The following IL1RAPL1 variants were observed in gnomAD, a reference collection of about 807,000 sequenced individuals.
The protein encoded by IL1RAPL1 is interleukin-1 receptor accessory protein-like 1.
Under a neutral mutation model 48.4 loss-of-function variants are expected in IL1RAPL1, and 3 were observed. The ratio of observed to expected loss-of-function variants is 0.06; its 90% CI spans 0.03 to 0.16. The LOEUF is 0.16. Among genes scored for constraint, IL1RAPL1 ranks in the 10% least tolerant of loss-of-function variants. The pLI is 1.00. For synonymous variants in IL1RAPL1, 185 were observed against 187.7 expected, an observed-to-expected ratio of 0.99 and a Z score of 0.12; for missense variants, 349 against 530.6, an observed-to-expected ratio of 0.66 and a Z score of 3.36.
At chrX:29,413,754 G>A (rs910609170) in intron 5 of IL1RAPL1, among the ~76,000 whole-genome samples, 7 of 110,746 alleles carry the variant, frequency 6.3e-5, no homozygotes, top group African/African-American at 2.3e-4. Flanking sequence ...TGACCATTAA[G>A]TAATGGTTTA....
At chrX:28,683,411 G>T (rs1451312648) in intron 1 of IL1RAPL1, among the ~76,000 whole-genome samples, 4 of 111,302 alleles carry the variant, frequency 3.6e-5, no homozygotes, top group Non-Finnish European at 7.5e-5. Context: ...AAGAAAGAAA[G>T]AAGATAGTGT....
chrX:29,392,266 C>T (rs1933863530), intron 3 of IL1RAPL1, among the ~76,000 whole-genome samples: 1 of 112,183 alleles, frequency 8.9e-6, no homozygotes. Flanking sequence ...ATGGTTTTAC[C>T]ATAAGTCCTG....
chrX:29,678,785 A>G (rs763903801), intron 6 of IL1RAPL1, among the ~76,000 whole-genome samples: 41 of 111,748 alleles, frequency 3.7e-4, no homozygotes, highest in Non-Finnish European at 6.2e-4. Context: ...TTGATTTAAA[A>G]ATTTTTGTTT....
intron 6 of IL1RAPL1, among the ~76,000 whole-genome samples, chrX:29,884,743 AC>A (rs1168266827): frequency 5.4e-5 from 6 of 111,484 alleles, no homozygotes; most frequent in African/African-American, 2.0e-4. Flanking sequence ...GACCTGCACC[AC>A]CCACAGCCTT....
At chrX:28,954,399 C>CTAATTTT (rs1368545883) in intron 2 of IL1RAPL1, among the ~76,000 whole-genome samples, 1 of 110,083 alleles carries the variant, frequency 9.1e-6, no homozygotes, top group Non-Finnish European at 1.9e-5. Flanking sequence ...TATTTAATTT[C>CTAATTTT]TAATTTTTTT....
At chrX:28,823,499 A>G (rs1936959853) in intron 2 of IL1RAPL1, among the ~76,000 whole-genome samples, 1 of 110,857 alleles carries the variant, frequency 9.0e-6, no homozygotes, top group African/African-American at 3.3e-5. Context: ...TAAGTATGAT[A>G]ACTCTTAGTA....
At chrX:29,315,158 G>A (rs1722173247) in intron 3 of IL1RAPL1, among the ~76,000 whole-genome samples, 1 of 111,739 alleles carries the variant, frequency 8.9e-6, no homozygotes, top group Non-Finnish European at 1.9e-5. Context: ...TTTCCATGCT[G>A]GGTTCCAGAT....
intron 2 of IL1RAPL1, among the ~76,000 whole-genome samples, chrX:29,171,283 C>T (rs1353555200): frequency 9.0e-6 from 1 of 111,657 alleles, no homozygotes; most frequent in Non-Finnish European, 1.9e-5. Flanking sequence ...CCACTGTGCC[C>T]GGTCATACCA....
At chrX:29,335,999 T>C (rs1932987577) in intron 3 of IL1RAPL1, among the ~76,000 whole-genome samples, 1 of 108,726 alleles carries the variant, frequency 9.2e-6, no homozygotes, top group Non-Finnish European at 1.9e-5. Context: ...TTTGGTTGTT[T>C]ATGGAAATAT....
intron 2 of IL1RAPL1, among the ~76,000 whole-genome samples, chrX:28,857,458 C>G (rs1479875263): frequency 9.0e-6 from 1 of 111,671 alleles, no homozygotes; most frequent in African/African-American, 3.3e-5. Flanking sequence ...CTTCAAAGGA[C>G]AGGCTGCCTT....
chrX:28,748,156 G>A (rs1020473664), intron 1 of IL1RAPL1, among the ~76,000 whole-genome samples: 1 of 110,417 alleles, frequency 9.1e-6, no homozygotes, highest in East Asian at 2.8e-4. Flanking sequence ...TATTTCTCTG[G>A]CCATTTGAAT....
intron 5 of IL1RAPL1, among the ~76,000 whole-genome samples, chrX:29,639,901 C>T (rs1169693977): frequency 9.0e-6 from 1 of 111,573 alleles, no homozygotes; most frequent in Non-Finnish European, 1.9e-5. Context: ...TGGTATTTTG[C>T]AGGCTCTTCT....
At chrX:28,713,160 T>A (rs1370910942) in intron 1 of IL1RAPL1, among the ~76,000 whole-genome samples, 1 of 110,574 alleles carries the variant, frequency 9.0e-6, no homozygotes, top group Non-Finnish European at 1.9e-5. Flanking sequence ...TTCACGCCAT[T>A]CTCCTGCCTC....
At chrX:28,819,972 ATAT>A (rs1293914516) in intron 2 of IL1RAPL1, among the ~76,000 whole-genome samples, 2 of 20,739 alleles carry the variant, frequency 9.6e-5, no homozygotes, top group African/African-American at 1.1e-3. Flanking sequence ...ATAGTGATAT[ATAT>A]ATATATATAT....
intron 2 of IL1RAPL1, among the ~76,000 whole-genome samples, chrX:28,801,028 C>T (rs1936669144): frequency 9.1e-6 from 1 of 109,356 alleles, no homozygotes; most frequent in African/African-American, 3.3e-5. Context: ...ATTACAGGCA[C>T]CCGCCACCAT....
At chrX:29,265,741 G>A (rs963140272) in intron 2 of IL1RAPL1, among the ~76,000 whole-genome samples, 3 of 104,775 alleles carry the variant, frequency 2.9e-5, no homozygotes, top group South Asian at 8.9e-4. Context: ...TTGTTCTTGC[G>A]ATAGTTTACT....
At chrX:29,546,173 G>C (rs1223483030) in intron 5 of IL1RAPL1, among the ~76,000 whole-genome samples, 1 of 111,788 alleles carries the variant, frequency 8.9e-6, no homozygotes, top group Non-Finnish European at 1.9e-5. Flanking sequence ...CCTGTATCTA[G>C]ACCAATAGAA....
intron 2 of IL1RAPL1, among the ~76,000 whole-genome samples, chrX:28,791,957 T>G (rs1936543098): frequency 8.9e-6 from 1 of 111,791 alleles, no homozygotes; most frequent in Non-Finnish European, 1.9e-5. Context: ...CATCTTTTCC[T>G]TGAAAGATTA....
At chrX:28,725,255 T>C (rs1332103285) in intron 1 of IL1RAPL1, among the ~76,000 whole-genome samples, 2 of 110,998 alleles carry the variant, frequency 1.8e-5, no homozygotes, top group Non-Finnish European at 3.8e-5. Flanking sequence ...TGGCCCTTGG[T>C]GTGTTTTTTA....
Sources: allele counts gnomAD v4.1 joint callset (sites outside exome capture counted in the v4.1 genomes callset), GRCh38; gene constraint gnomAD v4.1.1; transcripts MANE v1.5; gene names NCBI Gene and HGNC (gene_info 2026-07-23, HGNC 2026-07-21).